PI4K2B: variants seen among roughly 807,000 people sequenced by gnomAD.
The protein encoded by PI4K2B is phosphatidylinositol 4-kinase type 2 beta.
A neutral mutation model predicts 56.6 loss-of-function variants in PI4K2B; 46 were observed. The observed-to-expected ratio is 0.81, with a 90% CI of 0.64 to 1.04. The LOEUF (loss-of-function observed/expected upper bound fraction) is 1.04. Among genes scored for constraint, PI4K2B ranks in the 50% least tolerant of loss-of-function variants. PI4K2B has a pLI of 0.00. For missense variants in PI4K2B, 556 were observed against 607.7 expected, an observed-to-expected ratio of 0.91 and a Z score of 0.89; for synonymous variants, 211 against 223.8, an observed-to-expected ratio of 0.94 and a Z score of 0.51.
intron 9 of PI4K2B, among the ~76,000 whole-genome samples, chr4:25,270,839 G>A (rs952592693): frequency 1.2e-4 from 19 of 152,256 alleles, no homozygotes; most frequent in South Asian, 2.1e-4. Flanking sequence ...GTCTTTTAGC[G>A]TCTTATAAAT....
chr4:25,263,649 G>T, intron 6 of PI4K2B, 101 bp from the exon 7 acceptor site: 1 of 487,020 alleles, frequency 2.1e-6, no homozygotes, highest in Non-Finnish European at 3.7e-6. Flanking sequence ...GCTCATCCGA[G>T]AGAATATGTT....
chr4:25,267,297 T>C (rs1716700828), intron 7 of PI4K2B, among the ~76,000 whole-genome samples: 2 of 152,222 alleles, frequency 1.3e-5, no homozygotes, highest in African/African-American at 4.8e-5. Context: ...CAGGGAAAAC[T>C]AAAAAGAAAA....
intron 1 of PI4K2B, among the ~76,000 whole-genome samples, chr4:25,243,565 G>A (rs1009241079): frequency 6.6e-6 from 1 of 152,140 alleles, no homozygotes; most frequent in African/African-American, 2.4e-5. Flanking sequence ...GTTTAATAAT[G>A]CCTCTAGATT....
intron 1 of PI4K2B, among the ~76,000 whole-genome samples, chr4:25,247,597 G>A (rs118181819): frequency 0.01 from 1,558 of 152,342 alleles, 43 homozygotes; most frequent in East Asian, 0.057. Context: ...CCTAGATGTA[G>A]GGGCCAGGGA....
chr4:25,244,861 C>T (rs1432868855), intron 1 of PI4K2B, among the ~76,000 whole-genome samples: 1 of 151,784 alleles, frequency 6.6e-6, no homozygotes, highest in Non-Finnish European at 1.5e-5. Context: ...CTTAGTGACC[C>T]TTACCGACCC....
chr4:25,251,595 C>T (rs1202920420), intron 1 of PI4K2B, among the ~76,000 whole-genome samples: 2 of 152,004 alleles, frequency 1.3e-5, no homozygotes, highest in African/African-American at 4.8e-5. Flanking sequence ...AATATTTGGA[C>T]TCGGAGTGCC....
Position 25,260,555 on chromosome 4 carries a change from C to T in PI4K2B, c.942C>T (p.Tyr314=), listed in dbSNP as rs764591537. The part of the protein sequence containing the change: ...DRGNDNWLVR[Y]EKQKCEKEID... ...GCAATGATAATTGGTTAGTCAGATA[C>T]GAAAAGCAGAAATGTGAAAAGGAAA... Residue 314 remains tyrosine (Y), a synonymous_variant, in exon 6 of 10, where the codon TAC becomes TAT. Transcript: ENST00000264864. 9.3e-6 allele frequency: 13 copies of T among 1,399,072 alleles called. No individual in the cohort carries two copies. The highest frequency in any genetic ancestry group is 5.8e-5 in the East Asian group (2 of 34,426). The allele number at this position is 1,399,072 out of a possible 1,614,324, so 86.7% of individuals were successfully genotyped here.
chr4:25,254,523 C>G (rs1716182403), intron 2 of PI4K2B: 1 of 153,932 alleles, frequency 6.5e-6, no homozygotes, highest in Non-Finnish European at 1.4e-5. Flanking sequence ...ATGCCATTCT[C>G]CAGCCTCAGC....
chr4:25,259,206 C>G lies in PI4K2B; in HGVS notation c.910+16C>G. The G allele has an allele frequency of 4.8e-6, 7 of 1,455,536 alleles. No individual in the cohort carries two copies. The highest frequency in any genetic ancestry group is 6.6e-6 in the Non-Finnish European group (7 of 1,054,310). 90.2% of individuals were successfully genotyped at this position (1,455,536 alleles called of 1,614,324 possible). ...AGAAATACAGGTATTGAAGTTCTCT[C>G]ATTTGTTCACGTAAATCTTGTTCAT... is the stretch of plus-strand genomic sequence containing the variant. On this transcript the variant is annotated intron_variant, in intron 5 of 9. Coordinates refer to ENST00000264864, the MANE Select transcript of PI4K2B (RefSeq NM_018323.4).
intron 6 of PI4K2B, among the ~76,000 whole-genome samples, chr4:25,260,982 ACAGTCATGTGCCAC>A (rs950705928): frequency 4.0e-5 from 6 of 150,870 alleles, no homozygotes; most frequent in Non-Finnish European, 8.8e-5. Flanking sequence ...TGCTGGGATT[ACAGTCATGTGCCAC>A]CACACCCAGC....
intron 1 of PI4K2B, among the ~76,000 whole-genome samples, chr4:25,246,672 A>C: frequency 6.6e-6 from 1 of 152,296 alleles, no homozygotes; most frequent in Middle Eastern, 3.4e-3. Flanking sequence ...CATGGAGCAG[A>C]GGGTGGTGCT....
intron 1 of PI4K2B, among the ~76,000 whole-genome samples, chr4:25,248,927 G>A (rs1243536036): frequency 6.6e-6 from 1 of 152,070 alleles, no homozygotes; most frequent in African/African-American, 2.4e-5. Context: ...TGTGAACAAA[G>A]GTCTCTGGTT....
chr4:25,236,099 C>T (rs1715248702), intron 1 of PI4K2B, among the ~76,000 whole-genome samples: 1 of 152,008 alleles, frequency 6.6e-6, no homozygotes, highest in South Asian at 2.1e-4. Context: ...TAATATCTTA[C>T]CTGTATCACA....
At chr4:25,262,899 A>C (rs955221464) in intron 6 of PI4K2B, among the ~76,000 whole-genome samples, 12 of 152,198 alleles carry the variant, frequency 7.9e-5, no homozygotes, top group Admixed American at 7.9e-4. Flanking sequence ...GTATTAGTAC[A>C]TTCTCACACT....
At chr4:25,251,096 C>T (rs765892505) in intron 1 of PI4K2B, among the ~76,000 whole-genome samples, 1 of 152,022 alleles carries the variant, frequency 6.6e-6, no homozygotes, top group African/African-American at 2.4e-5. Flanking sequence ...ATACAGTTGT[C>T]GAGTTTAGGG....
chr4:25,257,575 C>T (rs1716306121), intron 4 of PI4K2B, among the ~76,000 whole-genome samples: 1 of 152,064 alleles, frequency 6.6e-6, no homozygotes, highest in Admixed American at 6.5e-5. Context: ...GAGCAGCCAG[C>T]TAAACAAGGG....
rs545122643 is a variant in PI4K2B at position 25,258,213 on chromosome 4, C to CTTTTTTTTTTTTTT, written c.757-823_757-810dup. Among the ~76,000 whole-genome samples the CTTTTTTTTTTTTTT allele has an allele frequency of 2.4e-4, 28 of 119,014 alleles. 1 individual carries two copies. Among genetic ancestry groups the CTTTTTTTTTTTTTT allele is most frequent in the Non-Finnish European group, 3.9e-4 (22 of 57,128 alleles). 78.1% of individuals were successfully genotyped at this position (119,014 alleles called of 152,430 possible). ...AATCTGTGTGGTTAAGGAATCTGTC[C>CTTTTTTTTTTTTTT]TTTTTTTTTTTTTTGAGACAGTCTC... is the stretch of plus-strand genomic sequence containing the variant. On this transcript the variant is annotated intron_variant, in intron 4 of 9. Coordinates refer to ENST00000264864, the MANE Select transcript of PI4K2B (RefSeq NM_018323.4).
chr4:25,249,835 T>A (rs1715972222), intron 1 of PI4K2B, among the ~76,000 whole-genome samples: 1 of 152,184 alleles, frequency 6.6e-6, no homozygotes, highest in African/African-American at 2.4e-5. Context: ...GGGCAGAGAC[T>A]GCAATCTCGG....
At chr4:25,276,323 CT>C in intron 9 of PI4K2B, 1 of 384,168 alleles carries the variant, frequency 2.6e-6, no homozygotes, top group Non-Finnish European at 3.6e-6. Context: ...ATATATTTTA[CT>C]TTCCCTAATT....
Sources: allele counts gnomAD v4.1 joint callset (sites outside exome capture counted in the v4.1 genomes callset), GRCh38; gene constraint gnomAD v4.1.1; transcripts MANE v1.5; gene names NCBI Gene and HGNC (gene_info 2026-07-23, HGNC 2026-07-21).